Variants in PELP1 observed in about 807,000 individuals in gnomAD.
PELP1 encodes the protein proline, glutamate and leucine rich protein 1, also known as proline-, glutamic acid- and leucine-rich protein 1.
Under a neutral mutation model 95.5 loss-of-function variants are expected in PELP1, and 32 were observed. That is an observed-to-expected ratio of 0.34 (90% confidence interval 0.25 to 0.45). The LOEUF is 0.45. PELP1 is among the 20% of genes least tolerant of loss of function. PELP1 has a pLI of 1.00. For synonymous variants in PELP1, 668 were observed against 600.1 expected, an observed-to-expected ratio of 1.11 and a Z score of -1.65; for missense variants, 1,358 against 1,444.8, an observed-to-expected ratio of 0.94 and a Z score of 0.97.
chr17:4,690,937 A>C lies in PELP1; in HGVS notation c.371T>G (p.Phe124Cys). 1 of 1,613,940 alleles carries C rather than the reference A, an allele frequency of 6.2e-7. No homozygotes were observed. Among genetic ancestry groups the C allele is most frequent in the Non-Finnish European group, 8.5e-7 (1 of 1,179,828 alleles). ...AAGCCAAGACACACAGTGCTGCTGGAATAGCTCTGTGGGGCTCTCCCCTAC... is the reference window on the plus strand; with the variant it reads ...AAGCCAAGACACACAGTGCTGCTGGCATAGCTCTGTGGGGCTCTCCCCTAC... ...LLVGESPTEL[F>C]QQHCVSWLRS... The change falls in exon 3 of 17, where the codon TTC becomes TGC. Residue 124 changes from phenylalanine (F) to cysteine (C), a missense_variant. Phe to Cys is a radical substitution (Grantham distance 205). Coordinates refer to ENST00000572293, the MANE Select transcript of PELP1 (RefSeq NM_014389.3).
In PELP1 at chr17:4,701,642, A is replaced by T. The variant is rs60729452; in HGVS notation, c.249+2221T>A. On this transcript the variant is annotated intron_variant, in intron 1 of 16. Transcript: ENST00000572293. ...AAGCCATGTTGGTAGGTGGATGATC[A>T]AACAGTGGATCCCCCTTGCTCGCAA... 2.1e-3 allele frequency among the ~76,000 whole-genome samples: 317 copies of T among 152,354 alleles called. 4 individuals are homozygous for T. The East Asian group carries it at 0.051, about 25-fold the overall frequency.
chr17:4,682,720 G>C, intron 4 of PELP1, 83 bp downstream of exon 4: 1 of 1,469,684 alleles, frequency 6.8e-7, no homozygotes, highest in Middle Eastern at 1.8e-4. Flanking sequence ...CTATTCCCCA[G>C]TCACTTCCAT....
chr17:4,670,567 A>T lies in PELP1; in HGVS notation c.*872T>A, dbSNP rs1485806748. Reference sequence around the variant, plus strand: ...GTGAAACCCCACCTCTACTAAAAATACAAAAATTAGCCAGGCAGTGGCAGG... The same window carrying T: ...GTGAAACCCCACCTCTACTAAAAATTCAAAAATTAGCCAGGCAGTGGCAGG... On this transcript the variant is annotated 3_prime_UTR_variant, in exon 17 of 17. Coordinates refer to ENST00000572293, the MANE Select transcript of PELP1 (RefSeq NM_014389.3). The T allele has an allele frequency of 6.6e-6, 1 of 152,288 alleles. No homozygotes were observed. Among genetic ancestry groups the T allele is most frequent in the African/African-American group, 2.4e-5 (1 of 41,446 alleles). The allele number at this position is 152,288 out of a possible 1,614,324, so 9.4% of individuals were successfully genotyped here.
At chr17:4,692,077 C>T (rs1913124534) in intron 1 of PELP1, among the ~76,000 whole-genome samples, 1 of 152,182 alleles carries the variant, frequency 6.6e-6, no homozygotes. Context: ...CCAACACATA[C>T]ACTATGCATG....
In PELP1 at chr17:4,671,703, A is replaced by G; in HGVS notation, c.3288T>C (p.Ala1096=). The stretch of plus-strand genomic sequence containing the variant: ...CCTGGCCTCTCACCTTTTCCTGGAG[A>G]GCTTCGGCCTCTGTCTCTGTCTCCA... ...EEMETETEAE[A]LQEKEQDDTA... The change falls in exon 16 of 17, where the codon GCT becomes GCC. Residue 1096 remains alanine, a synonymous_variant. Coordinates refer to ENST00000572293, the MANE Select transcript of PELP1 (RefSeq NM_014389.3). 5 of 1,562,426 alleles carry G rather than the reference A, an allele frequency of 3.2e-6. No individual in the cohort carries two copies. Among genetic ancestry groups the G allele is most frequent in the Non-Finnish European group, 4.3e-6 (5 of 1,159,386 alleles).
rs1432238964 is a variant in PELP1 at position 4,674,832 on chromosome 17, A to T, written c.1399T>A (p.Ser467Thr). Reference protein sequence around the residue: ...ALLTHLLSDISPPADALKLRS... With the variant: ...ALLTHLLSDITPPADALKLRS... ...ACCTTAAGGGCATCAGCTGGCGGGG[A>T]GATGTCGCTGAGCAGGTGGGTGAGC... Residue 467 changes from serine to threonine, a missense_variant, in exon 12 of 17, where the codon TCC becomes ACC. Physicochemically the swap from Ser to Thr is moderately conservative, Grantham distance 58. This residue lies in a region of PELP1 where 538 missense variants were observed against 628.1 expected (regional missense o/e 0.86). Transcript: ENST00000572293. The T allele has an allele frequency of 1.2e-6, 2 of 1,612,798 alleles. No individual in the cohort carries two copies. The highest frequency in any genetic ancestry group is 1.7e-5 in the Admixed American group (1 of 59,992).
chr17:4,671,771 C>A lies in PELP1; in HGVS notation c.3220G>T (p.Asp1074Tyr), dbSNP rs770918276. The A allele has an allele frequency of 3.1e-5, 47 of 1,518,720 alleles. No individual in the cohort carries two copies. The highest frequency in any genetic ancestry group is 4.0e-5 in the Non-Finnish European group (45 of 1,137,696). 94.1% of individuals were successfully genotyped at this position (1,518,720 alleles called of 1,614,324 possible). The change falls in exon 16 of 17, where the codon GAC becomes TAC. Residue 1074 changes from aspartate (D) to tyrosine (Y), a missense_variant. Asp to Tyr is a radical substitution (Grantham distance 160). Transcript: ENST00000572293. ...LLEEETEDGS[D>Y]KVQPPPETPA... ...GTCTCTGGTGGGGGCTGCACCTTGTCACTCCCATCCTCAGTCTCCTCTTCC... is the reference window on the plus strand; with the variant it reads ...GTCTCTGGTGGGGGCTGCACCTTGTAACTCCCATCCTCAGTCTCCTCTTCC...
Position 4,673,828 on chromosome 17 carries a change from G to C in PELP1, c.1583-154C>G. 1.4e-6 allele frequency: 1 copy of C among 690,474 alleles called. No individual in the cohort carries two copies. Among genetic ancestry groups the C allele is most frequent in the African/African-American group, 1.8e-5 (1 of 56,804 alleles). 42.8% of individuals were successfully genotyped at this position (690,474 alleles called of 1,614,324 possible). ...CAACTAGAAAATGGGGATCATAAAA[G>C]TACCTCTACTGTATAGGGCCACTGA... On this transcript the variant is annotated intron_variant, in intron 13 of 16. Coordinates refer to ENST00000572293, the MANE Select transcript of PELP1 (RefSeq NM_014389.3). This position sits in a 1 kb window ranked among gnomAD's most constrained non-coding sequence, Gnocchi z 5.7.
intron 3 of PELP1, among the ~76,000 whole-genome samples, chr17:4,683,969 G>A (rs1912814689): frequency 6.6e-6 from 1 of 151,020 alleles, no homozygotes; most frequent in Non-Finnish European, 1.5e-5. Flanking sequence ...CTGCTAGAAA[G>A]GGAGAAGAGC....
intron 5 of PELP1, among the ~76,000 whole-genome samples, chr17:4,681,176 C>T (rs1912670264): frequency 6.6e-6 from 1 of 152,152 alleles, no homozygotes; most frequent in Admixed American, 6.5e-5. Flanking sequence ...GAGAAAATTA[C>T]AAGACCTTCA....
chr17:4,691,354 GAA>G, intron 2 of PELP1, 22 bp downstream of exon 2: 1 of 1,578,468 alleles, frequency 6.3e-7, no homozygotes, highest in Non-Finnish European at 8.7e-7. Context: ...CGCCCCTGGA[GAA>G]AAAAAAGGGC....
At chr17:4,703,514 C>T (rs1253731135) in intron 1 of PELP1, among the ~76,000 whole-genome samples, 1 of 152,116 alleles carries the variant, frequency 6.6e-6, no homozygotes, top group Non-Finnish European at 1.5e-5. Flanking sequence ...TTGTTGAATG[C>T]GTCATTCAGT....
chr17:4,693,241 G>A (rs1913177704), intron 1 of PELP1, among the ~76,000 whole-genome samples: 1 of 152,140 alleles, frequency 6.6e-6, no homozygotes. Context: ...GTACATGGAC[G>A]TTCACAGCAG....
chr17:4,693,009 T>A (rs1188722653), intron 1 of PELP1, among the ~76,000 whole-genome samples: 1 of 151,724 alleles, frequency 6.6e-6, no homozygotes, highest in African/African-American at 2.4e-5. Context: ...AAACTCCATC[T>A]CAAAAAAAGA....
intron 1 of PELP1, among the ~76,000 whole-genome samples, chr17:4,701,126 T>C (rs962123049): frequency 2.0e-5 from 3 of 152,028 alleles, no homozygotes; most frequent in Non-Finnish European, 2.9e-5. Flanking sequence ...TCTGAAATTT[T>C]ATATAAGTTT....
At chr17:4,679,647 C>G (rs569989397) in intron 5 of PELP1, among the ~76,000 whole-genome samples, 1 of 152,180 alleles carries the variant, frequency 6.6e-6, no homozygotes, top group Non-Finnish European at 1.5e-5. Flanking sequence ...GAGAGGTTAA[C>G]TTACAGAACA....
intron 1 of PELP1, among the ~76,000 whole-genome samples, chr17:4,692,726 T>G: frequency 6.6e-6 from 1 of 151,714 alleles, no homozygotes; most frequent in Non-Finnish European, 1.5e-5. Context: ...AAAGGCCATT[T>G]AGGCCGGGCG....
Position 4,700,614 on chromosome 17 carries a change from T to A in PELP1, c.249+3249A>T, listed in dbSNP as rs557049352. ...AAAAGAATATACAGGATAAATGACA[T>A]TTGGGATTTGCTTTAAAATGGTCCA... On this transcript the variant is annotated intron_variant, in intron 1 of 16. Transcript: ENST00000572293. Among the ~76,000 whole-genome samples, 4 of 152,070 alleles carry A rather than the reference T, an allele frequency of 2.6e-5. No homozygotes were observed. The East Asian group carries it at 7.7e-4, about 29-fold the overall frequency.
intron 1 of PELP1, among the ~76,000 whole-genome samples, chr17:4,693,394 C>T (rs1308381531): frequency 1.3e-5 from 2 of 152,210 alleles, no homozygotes; most frequent in Non-Finnish European, 1.5e-5. Flanking sequence ...TCAGAAACTT[C>T]GGATACTACC....
Sources: allele counts gnomAD v4.1 joint callset (sites outside exome capture counted in the v4.1 genomes callset), GRCh38; gene constraint gnomAD v4.1.1; regional missense constraint gnomAD v4.1.1; non-coding constraint Gnocchi (gnomAD v3.1); transcripts MANE v1.5; gene names NCBI Gene and HGNC (gene_info 2026-07-23, HGNC 2026-07-21).